ZDHHC15: variants seen among roughly 807,000 people sequenced by gnomAD.
The protein encoded by ZDHHC15 is palmitoyltransferase ZDHHC15.
Under a neutral mutation model 31.7 loss-of-function variants are expected in ZDHHC15, and 19 were observed. The observed-to-expected ratio is 0.60, with a 90% CI of 0.42 to 0.88. ZDHHC15 has a LOEUF of 0.88. Among genes scored for constraint, ZDHHC15 ranks in the 40% least tolerant of loss-of-function variants. The pLI is 0.00. For missense variants in ZDHHC15, 209 were observed against 251.2 expected (o/e 0.83, Z 1.14); for synonymous variants, 103 against 90.0 (o/e 1.14, Z -0.82).
At chrX:75,430,067 T>G (rs1282825545) in intron 5 of ZDHHC15, 87 bp from the exon 6 acceptor site, 2 of 996,058 alleles carry the variant, frequency 2.0e-6, no homozygotes, top group Non-Finnish European at 2.8e-6. Context: ...TTCACCAGTA[T>G]TTTTACATGG....
At chrX:75,476,024 T>A (rs1936923) in intron 3 of ZDHHC15, among the ~76,000 whole-genome samples, 262 of 110,253 alleles carry the variant, frequency 2.4e-3, no homozygotes, top group Non-Finnish European at 3.3e-3. Context: ...TCATTGTTAG[T>A]GTATCAAAAC....
Position 75,372,807 on chromosome X carries a change from A to G in ZDHHC15, c.*171T>C, listed in dbSNP as rs1024988064. 2.0e-4 allele frequency: 22 copies of G among 112,371 alleles called. No individual in the cohort carries two copies. The highest frequency in any genetic ancestry group is 5.8e-4 in the African/African-American group (18 of 31,023). 9.3% of individuals were successfully genotyped at this position (112,371 alleles called of 1,213,427 possible). On this transcript the variant is annotated 3_prime_UTR_variant, in exon 12 of 12. Transcript: ENST00000373367. ...TAAATTAAATAACATAAAGTCCAGA[A>G]ACATTTACACAGCAAGTATTTGATG...
intron 1 of ZDHHC15, among the ~76,000 whole-genome samples, chrX:75,508,609 C>T (rs1442007489): frequency 2.7e-5 from 3 of 109,852 alleles, no homozygotes. Context: ...AATAAACACA[C>T]GTGTGCATGT....
chrX:75,489,249 C>A (rs1184514677), intron 2 of ZDHHC15, among the ~76,000 whole-genome samples: 1 of 111,967 alleles, frequency 8.9e-6, no homozygotes, highest in Non-Finnish European at 1.9e-5. Context: ...AGTAGTGGTT[C>A]TCCCAGCACG....
At chrX:75,501,755 TG>T (rs2085090648) in intron 2 of ZDHHC15, 1 of 81,328 alleles carries the variant, frequency 1.2e-5, no homozygotes, top group South Asian at 7.0e-4. Flanking sequence ...TTTTGAAAAT[TG>T]TCTGTTCATG....
intron 11 of ZDHHC15, among the ~76,000 whole-genome samples, chrX:75,374,633 A>G (rs1052735741): frequency 4.6e-5 from 5 of 108,097 alleles, no homozygotes; most frequent in Admixed American, 2.0e-4. Context: ...TCTGATATCC[A>G]TTAATAGATG....
chrX:75,466,135 C>A (rs921777777), intron 3 of ZDHHC15, among the ~76,000 whole-genome samples: 1 of 111,361 alleles, frequency 9.0e-6, no homozygotes, highest in Non-Finnish European at 1.9e-5. Flanking sequence ...AGTGGGCAAA[C>A]GACATGAACA....
chrX:75,488,919 T>C (rs2084822305), intron 2 of ZDHHC15, among the ~76,000 whole-genome samples: 3 of 111,958 alleles, frequency 2.7e-5, no homozygotes, highest in Non-Finnish European at 5.6e-5. Context: ...ACTTTTCCAA[T>C]GGTCTTAGCA....
At chrX:75,474,850 G>T (rs2084575249) in intron 3 of ZDHHC15, among the ~76,000 whole-genome samples, 1 of 110,110 alleles carries the variant, frequency 9.1e-6, no homozygotes, top group Admixed American at 9.8e-5. Flanking sequence ...GAGGTCAGGA[G>T]ATCGAGACCA....
chrX:75,491,988 C>A (rs2084904406), intron 2 of ZDHHC15, among the ~76,000 whole-genome samples: 1 of 111,550 alleles, frequency 9.0e-6, no homozygotes, highest in South Asian at 3.8e-4. Context: ...TTAAAAGACA[C>A]AGACTGGCAA....
At chrX:75,430,089 C>A in intron 5 of ZDHHC15, 109 bp from the exon 6 acceptor site, 1 of 846,018 alleles carries the variant, frequency 1.2e-6, no homozygotes, top group Non-Finnish European at 1.7e-6. Context: ...TCTAATAACA[C>A]CCATTCTCAG....
At chrX:75,409,654 G>A (rs780596895) in intron 10 of ZDHHC15, among the ~76,000 whole-genome samples, 1 of 106,499 alleles carries the variant, frequency 9.4e-6, no homozygotes, top group Non-Finnish European at 1.9e-5. Context: ...AATTAGCTGG[G>A]CGTGGTGGCA....
intron 10 of ZDHHC15, among the ~76,000 whole-genome samples, chrX:75,404,328 A>T (rs1292512838): frequency 8.9e-6 from 1 of 112,386 alleles, no homozygotes; most frequent in African/African-American, 3.2e-5. Flanking sequence ...TAAAGAGTTC[A>T]TGACAAAGAC....
chrX:75,431,515 G>A lies in ZDHHC15; in HGVS notation c.385C>T (p.Arg129Ter), dbSNP rs1569325170. 8.3e-7 allele frequency: 1 copy of A among 1,205,185 alleles called. No homozygotes were observed. Among genetic ancestry groups the A allele is most frequent in the Non-Finnish European group, 1.1e-6 (1 of 892,810 alleles). ...VYTRTGSGAV[R>*]FCDRCHLIKP... ...ATCAGATGACACCGGTCACAGAATC[G>A]TACAGCTATAAAAAAAAAAATAAGG... Residue 129 changes from arginine to a stop codon, truncating the protein, a stop_gained, in exon 5 of 12, where the codon CGA becomes TGA. Transcript: ENST00000373367. LOFTEE classifies it high-confidence loss of function.
At chrX:75,444,747 G>A (rs1406285743) in intron 4 of ZDHHC15, among the ~76,000 whole-genome samples, 1 of 95,441 alleles carries the variant, frequency 1.0e-5, no homozygotes, top group Admixed American at 1.2e-4. Context: ...AAAATACCAT[G>A]TGTACTACTG....
chrX:75,453,184 A>C (rs2084153549), intron 3 of ZDHHC15, among the ~76,000 whole-genome samples: 1 of 111,607 alleles, frequency 9.0e-6, no homozygotes, highest in African/African-American at 3.3e-5. Flanking sequence ...TCAAATAGAC[A>C]CAATAAAAAA....
chrX:75,511,628 T>G (rs772034573), intron 1 of ZDHHC15, among the ~76,000 whole-genome samples: 1 of 105,841 alleles, frequency 9.4e-6, no homozygotes, highest in Admixed American at 1.0e-4. Context: ...TTGCTTTTGG[T>G]GTTTTGGACA....
intron 2 of ZDHHC15, among the ~76,000 whole-genome samples, chrX:75,496,137 A>T (rs2084994293): frequency 9.0e-6 from 1 of 110,892 alleles, no homozygotes; most frequent in Non-Finnish European, 1.9e-5. Context: ...ACTCACATAA[A>T]CTTAAGGTAA....
intron 10 of ZDHHC15, among the ~76,000 whole-genome samples, chrX:75,401,473 A>G (rs1167946352): frequency 1.8e-5 from 2 of 111,467 alleles, no homozygotes; most frequent in Non-Finnish European, 3.8e-5. Flanking sequence ...GCAAGATCCA[A>G]TGGCATGCTG....
Sources: gnomAD v4.1 joint callset for allele counts (sites outside exome capture counted in the v4.1 genomes callset) on GRCh38, gnomAD v4.1.1 for gene constraint, MANE v1.5 for transcripts, NCBI Gene and HGNC (gene_info 2026-07-23, HGNC 2026-07-21) for gene names.